Variants in REXO5 observed in about 807,000 individuals in gnomAD.
REXO5 encodes the protein exonuclease NEF-sp.
REXO5 carries 48 observed loss-of-function variants against 88.5 expected under a neutral mutation model. The ratio of observed to expected loss-of-function variants is 0.54; its 90% CI spans 0.43 to 0.69. The LOEUF is 0.69. Among genes scored for constraint, REXO5 ranks in the 30% least tolerant of loss-of-function variants. REXO5 has a pLI of 0.00. For synonymous variants in REXO5, 311 were observed against 336.5 expected (o/e 0.92, Z 0.83); for missense variants, 749 against 912.2 (o/e 0.82, Z 2.30).
intron 5 of REXO5, among the ~76,000 whole-genome samples, chr16:20,816,731 A>G (rs1266392427): frequency 1.3e-5 from 2 of 152,154 alleles, no homozygotes; most frequent in Non-Finnish European, 2.9e-5. Flanking sequence ...CTCAGAAACA[A>G]TCTGGTTAGA....
At chr16:20,807,419 AACAC>A (rs1432674968) in intron 2 of REXO5, 1 of 291,640 alleles carries the variant, frequency 3.4e-6, no homozygotes, top group African/African-American at 2.2e-5. Flanking sequence ...CTCTACCAAA[AACAC>A]ACACACAAAA....
chr16:20,846,557 T>G (rs2081610412), intron 19 of REXO5, among the ~76,000 whole-genome samples: 1 of 152,244 alleles, frequency 6.6e-6, no homozygotes, highest in African/African-American at 2.4e-5. Context: ...AGATAATTTA[T>G]CCCCAGTTAA....
intron 14 of REXO5, 75 bp from the exon 15 acceptor site, chr16:20,840,256 C>T (rs1226840646): frequency 4.7e-6 from 6 of 1,275,224 alleles, no homozygotes; most frequent in Middle Eastern, 2.8e-4. Flanking sequence ...GGTGAATAAT[C>T]CCATGCATTG....
At chr16:20,816,349 G>T (rs931334504) in intron 5 of REXO5, 137 bp downstream of exon 5, 20 of 646,168 alleles carry the variant, frequency 3.1e-5, no homozygotes, top group Middle Eastern at 3.1e-4. Context: ...TGAAACGGGG[G>T]TCTCACTCTT....
Position 20,821,863 on chromosome 16 carries a change from A to G in REXO5, c.577A>G (p.Thr193Ala), listed in dbSNP as rs2081190905. ...AGTGGGCTTGACCAGATGCCTTCTG[A>G]CAAAGGAGGAAATGAGAACGTTTCA... ...KKVGLTRCLL[T>A]KEEMRTFHFP... Residue 193 changes from threonine (T) to alanine (A), a missense_variant, in exon 6 of 20, where the codon ACA becomes GCA. Transcript: ENST00000261377. The G allele has an allele frequency of 6.2e-7, 1 of 1,602,816 alleles. No individual in the cohort carries two copies. Among genetic ancestry groups the G allele is most frequent in the African/African-American group, 1.3e-5 (1 of 74,284 alleles).
At chr16:20,840,056 AT>A (rs753432584) in intron 14 of REXO5, 197 bp downstream of exon 14, 49 of 552,514 alleles carry the variant, frequency 8.9e-5, no homozygotes, top group Non-Finnish European at 1.4e-4. Context: ...TTATTTTTTC[AT>A]TTAACAGTAT....
At chr16:20,816,084 C>T in intron 4 of REXO5, 32 bp from the exon 5 acceptor site, 1 of 1,584,766 alleles carries the variant, frequency 6.3e-7, no homozygotes, top group Non-Finnish European at 8.7e-7. Flanking sequence ...TGTTTTCAAC[C>T]ATTTTTGTAA....
intron 15 of REXO5, among the ~76,000 whole-genome samples, chr16:20,842,019 GCC>G (rs1340540869): frequency 6.6e-6 from 1 of 152,104 alleles, no homozygotes; most frequent in Non-Finnish European, 1.5e-5. Flanking sequence ...CTTTCTCTTG[GCC>G]CCTTTTTTTG....
chr16:20,842,272 C>G, intron 15 of REXO5, among the ~76,000 whole-genome samples: 1 of 151,832 alleles, frequency 6.6e-6, no homozygotes, highest in Non-Finnish European at 1.5e-5. Flanking sequence ...GTGTACGTAC[C>G]TCACATAAGT....
In REXO5 at chr16:20,846,180, G is replaced by A. The variant is rs763372957; in HGVS notation, c.2125-41G>A. The A allele has an allele frequency of 6.1e-6, 9 of 1,475,560 alleles. No homozygotes were observed. The South Asian group carries it at 1.0e-4, about 17-fold the overall frequency. 91.4% of individuals were successfully genotyped at this position (1,475,560 alleles called of 1,614,324 possible). A position where few individuals can be genotyped will look rare whatever the true frequency, so the allele number is the denominator to read the frequency against. Reference sequence around the variant, plus strand: ...TGCAGCCCTTCCAAAGGTAACGAGAGAGTGTTCTGGCTGAGTATCGACACA... The same window carrying A: ...TGCAGCCCTTCCAAAGGTAACGAGAAAGTGTTCTGGCTGAGTATCGACACA... On this transcript the variant is annotated intron_variant, in intron 18 of 19. Transcript: ENST00000261377.
intron 4 of REXO5, 48 bp from the exon 5 acceptor site, chr16:20,816,068 T>C (rs775052682): frequency 6.8e-7 from 1 of 1,470,856 alleles, no homozygotes; most frequent in East Asian, 2.3e-5. Context: ...TTCACAGTAT[T>C]TTAGCTGTTT....
At position 20,807,049 on chromosome 16, in the gene REXO5, G is replaced by A. The variant is rs1266803876; in HGVS notation, c.96G>A (p.Met32Ile). 3 of 1,604,854 alleles carry A rather than the reference G, an allele frequency of 1.9e-6. No individual in the cohort carries two copies. In the South Asian group the frequency reaches 3.4e-5, roughly 18 times the overall value. Residue 32 changes from methionine (M) to isoleucine (I), a missense_variant, in exon 2 of 20, where the codon ATG becomes ATA. By Grantham distance (10) the Met-to-Ile change is conservative (BLOSUM62 1). Transcript: ENST00000261377. Reference sequence around the variant, plus strand: ...AGCTGGTCGGGGCAGCTGAGGCGATGAAAGCCGGTTGGGATCTCGAGGAGA... The same window carrying A: ...AGCTGGTCGGGGCAGCTGAGGCGATAAAAGCCGGTTGGGATCTCGAGGAGA... ...PNKLVGAAEAMKAGWDLEESQ... is the reference protein window; with the variant it reads ...PNKLVGAAEAIKAGWDLEESQ...
rs2080878587 is a variant in REXO5 at position 20,806,538 on chromosome 16, C to T, written c.-170C>T. ...GCTGAGGGGCGGTTGTTGTTGGCAG[C>T]TGTGGCTAAGGAGGGGAGAACCTCT... On this transcript the variant is annotated 5_prime_UTR_variant, in exon 1 of 20. Coordinates refer to ENST00000261377, the MANE Select transcript of REXO5 (RefSeq NM_030941.3). The T allele has an allele frequency of 4.6e-6, 7 of 1,526,944 alleles. No individual in the cohort carries two copies. The highest frequency in any genetic ancestry group is 6.1e-6 in the Non-Finnish European group (7 of 1,138,660). The allele number at this position is 1,526,944 out of a possible 1,614,324, so 94.6% of individuals were successfully genotyped here.
intron 11 of REXO5, among the ~76,000 whole-genome samples, chr16:20,828,923 G>A (rs1262940188): frequency 6.1e-5 from 9 of 146,928 alleles, no homozygotes; most frequent in Admixed American, 4.8e-4. Flanking sequence ...CAGCTTAGGT[G>A]ACAGAGCAAG....
At chr16:20,837,262 G>A (rs534252537) in intron 13 of REXO5, among the ~76,000 whole-genome samples, 56 of 152,044 alleles carry the variant, frequency 3.7e-4, no homozygotes, top group South Asian at 1.2e-3. Flanking sequence ...TATTTTTCCC[G>A]TTTTGTTTAA....
At chr16:20,814,312 A>G (rs180898256) in intron 3 of REXO5, among the ~76,000 whole-genome samples, 122 of 152,182 alleles carry the variant, frequency 8.0e-4, no homozygotes, top group African/African-American at 2.5e-3. Flanking sequence ...TCTCCGCTCA[A>G]TGCAACCTCC....
intron 13 of REXO5, among the ~76,000 whole-genome samples, chr16:20,837,761 G>A (rs1487322933): frequency 1.3e-5 from 2 of 151,596 alleles, no homozygotes. Context: ...CTCACTTTAT[G>A]TCTTGGCTTT....
At position 20,813,170 on chromosome 16, in the gene REXO5, G is replaced by A. The variant is rs150849252; in HGVS notation, c.139-20G>A. Reference sequence around the variant, plus strand: ...TTGATAACCAATAATGGCTTGCTACGCCCTGATTAATCTTTGCAGAAAGCC... The same window carrying A: ...TTGATAACCAATAATGGCTTGCTACACCCTGATTAATCTTTGCAGAAAGCC... On this transcript the variant is annotated intron_variant, in intron 2 of 19. Coordinates refer to ENST00000261377, the MANE Select transcript of REXO5 (RefSeq NM_030941.3). 603 of 1,502,322 alleles carry A rather than the reference G, an allele frequency of 4.0e-4. 2 individuals carry two copies. The highest frequency in any genetic ancestry group is 5.2e-4 in the Non-Finnish European group (558 of 1,078,676). The allele number at this position is 1,502,322 out of a possible 1,614,324, so 93.1% of individuals were successfully genotyped here.
At chr16:20,820,511 TTTATATATATA>T (rs1285844537) in intron 5 of REXO5, among the ~76,000 whole-genome samples, 300 of 25,938 alleles carry the variant, frequency 0.012, 2 homozygotes, top group Non-Finnish European at 0.018. Flanking sequence ...GTTCTCTCTC[TTTATATATATA>T]TATATATATA....
Sources: allele counts gnomAD v4.1 joint callset (sites outside exome capture counted in the v4.1 genomes callset), GRCh38; gene constraint gnomAD v4.1.1; transcripts MANE v1.5; gene names NCBI Gene and HGNC (gene_info 2026-07-23, HGNC 2026-07-21).